Variants in ZBTB7C observed in about 807,000 individuals in gnomAD.
The protein encoded by ZBTB7C is zinc finger and BTB domain containing 7C, also known as zinc finger and BTB domain-containing protein 7C.
A neutral mutation model predicts 25.7 loss-of-function variants in ZBTB7C; 8 were observed. The ratio of observed to expected loss-of-function variants is 0.31; its 90% CI spans 0.18 to 0.56. ZBTB7C has a LOEUF of 0.56. ZBTB7C is among the 20% of genes least tolerant of loss of function. ZBTB7C has a pLI of 0.91. For missense variants in ZBTB7C, 824 were observed against 855.2 expected (o/e 0.96, Z 0.46); for synonymous variants, 394 against 369.0 (o/e 1.07, Z -0.78).
At chr18:48,292,060 T>C (rs1046418015) in intron 2 of ZBTB7C, among the ~76,000 whole-genome samples, 2 of 151,734 alleles carry the variant, frequency 1.3e-5, no homozygotes, top group Non-Finnish European at 2.9e-5. Context: ...TAGCTGGGCG[T>C]GGTGGTGGGT....
Position 48,305,115 on chromosome 18 carries a change from G to A in ZBTB7C, c.-79+33059C>T, listed in dbSNP as rs1315068729. ...CCACTGGAATTATAACGAGCATTAAGTAGGTCCAGCACGCCATTCCAGGCC... is the reference window on the plus strand; with the variant it reads ...CCACTGGAATTATAACGAGCATTAAATAGGTCCAGCACGCCATTCCAGGCC... On this transcript the variant is annotated intron_variant, in intron 2 of 4. Coordinates refer to ENST00000590800, the MANE Select transcript of ZBTB7C (RefSeq NM_001318841.2). Among the ~76,000 whole-genome samples, 15 of 152,314 alleles carry A rather than the reference G, an allele frequency of 9.8e-5. No homozygotes were observed. In the East Asian group the frequency reaches 2.5e-3, roughly 25 times the overall value.
At chr18:48,388,705 C>T (rs999150517) in intron 1 of ZBTB7C, among the ~76,000 whole-genome samples, 4 of 152,168 alleles carry the variant, frequency 2.6e-5, no homozygotes, top group Admixed American at 1.3e-4. Flanking sequence ...AACATGATTG[C>T]ACCACTGCCC....
At chr18:48,248,663 G>C (rs1423573836) in intron 2 of ZBTB7C, among the ~76,000 whole-genome samples, 1 of 152,064 alleles carries the variant, frequency 6.6e-6, no homozygotes, top group African/African-American at 2.4e-5. Flanking sequence ...GAAAATTTTA[G>C]ATTCTCAGAA....
At position 48,205,159 on chromosome 18, in the gene ZBTB7C, G is replaced by C. The variant is rs1339001777; in HGVS notation, c.-78-19164C>G. Among the ~76,000 whole-genome samples the C allele has an allele frequency of 1.3e-5, 2 of 152,036 alleles. 1 individual carries two copies. The highest frequency in any genetic ancestry group is 4.2e-4 in the South Asian group (2 of 4,816). On this transcript the variant is annotated intron_variant, in intron 2 of 4. Transcript: ENST00000590800. The stretch of plus-strand genomic sequence containing the variant: ...ACTGAGGTCTAGCACTCTGCAGAAG[G>C]GGTTAGAGGACATCTAACCCCTTAG...
chr18:48,111,955 G>T (rs905974598), intron 3 of ZBTB7C, among the ~76,000 whole-genome samples: 2 of 152,096 alleles, frequency 1.3e-5, no homozygotes, highest in African/African-American at 2.4e-5. Context: ...AAAATGGTTT[G>T]TTAAATAATA....
chr18:48,030,496 C>T (rs553731863), intron 4 of ZBTB7C, among the ~76,000 whole-genome samples: 2 of 152,334 alleles, frequency 1.3e-5, no homozygotes, highest in South Asian at 4.1e-4. Context: ...TTATCCTAAG[C>T]CTTGGGCTCT....
chr18:48,278,300 G>A (rs1338716903), intron 2 of ZBTB7C, among the ~76,000 whole-genome samples: 1 of 152,200 alleles, frequency 6.6e-6, no homozygotes, highest in Non-Finnish European at 1.5e-5. Context: ...ATGTTCAGAA[G>A]GACTGAGGTT....
intron 1 of ZBTB7C, among the ~76,000 whole-genome samples, chr18:48,355,267 G>A (rs2145064431): frequency 6.6e-6 from 1 of 152,326 alleles, no homozygotes; most frequent in Admixed American, 6.5e-5. Flanking sequence ...AGGCTGGAGG[G>A]CAGTAATGGG....
intron 3 of ZBTB7C, among the ~76,000 whole-genome samples, chr18:48,117,444 G>A (rs1269542590): frequency 1.3e-5 from 2 of 152,196 alleles, no homozygotes; most frequent in Non-Finnish European, 2.9e-5. Context: ...ACAGAGGTTA[G>A]AGCATGGGTG....
chr18:48,265,148 C>T (rs1228239039), intron 2 of ZBTB7C, among the ~76,000 whole-genome samples: 1 of 152,134 alleles, frequency 6.6e-6, no homozygotes, highest in African/African-American at 2.4e-5. Context: ...GGCAAGAATC[C>T]TGTTAGGTTT....
intron 3 of ZBTB7C, among the ~76,000 whole-genome samples, chr18:48,052,064 T>A (rs2036708703): frequency 6.6e-6 from 1 of 152,232 alleles, no homozygotes; most frequent in Non-Finnish European, 1.5e-5. Context: ...TTAAACCTTA[T>A]TAAACCACTG....
At chr18:48,137,145 G>A in intron 3 of ZBTB7C, 1 of 985,470 alleles carries the variant, frequency 1.0e-6, no homozygotes, top group Non-Finnish European at 1.2e-6. Flanking sequence ...GATTCGTGCT[G>A]GGCGAGTTAA....
At chr18:48,357,454 A>G (rs1289328318) in intron 1 of ZBTB7C, among the ~76,000 whole-genome samples, 1 of 152,234 alleles carries the variant, frequency 6.6e-6, no homozygotes, top group Non-Finnish European at 1.5e-5. Context: ...ACAATGAAAC[A>G]GAGACAAAGA....
chr18:48,244,338 C>G (rs2043616866), intron 2 of ZBTB7C, among the ~76,000 whole-genome samples: 1 of 152,098 alleles, frequency 6.6e-6, no homozygotes, highest in African/African-American at 2.4e-5. Flanking sequence ...TGGTGTGAAC[C>G]CAGGAGGTGG....
At chr18:48,239,886 A>G (rs1036345731) in intron 2 of ZBTB7C, among the ~76,000 whole-genome samples, 1 of 152,192 alleles carries the variant, frequency 6.6e-6, no homozygotes, top group East Asian at 1.9e-4. Flanking sequence ...TTTCCAAAAA[A>G]AGAATACAGA....
chr18:48,281,157 AT>A (rs959282194), intron 2 of ZBTB7C, among the ~76,000 whole-genome samples: 2 of 151,282 alleles, frequency 1.3e-5, no homozygotes, highest in African/African-American at 2.4e-5. Context: ...TCTGGCTGTA[AT>A]TTTTTTTTAA....
chr18:48,291,365 C>T (rs956825912), intron 2 of ZBTB7C, among the ~76,000 whole-genome samples: 1 of 152,134 alleles, frequency 6.6e-6, no homozygotes, highest in Non-Finnish European at 1.5e-5. Flanking sequence ...ACCTAGCTGG[C>T]CTGGATTCAA....
At position 48,347,108 on chromosome 18, in the gene ZBTB7C, T is replaced by G. The variant is rs576703738; in HGVS notation, c.-303-8710A>C. ...AGCATCACCCTTTTCTATAGAGTGA[T>G]TCCCAGTTTTTGTTTGTTTTTTTTT... On this transcript the variant is annotated intron_variant, in intron 1 of 4. Coordinates refer to ENST00000590800, the MANE Select transcript of ZBTB7C (RefSeq NM_001318841.2). Among the ~76,000 whole-genome samples, 3 of 150,354 alleles carry G rather than the reference T, an allele frequency of 2.0e-5. No individual in the cohort carries two copies. In the East Asian group the frequency reaches 5.8e-4, roughly 29 times the overall value.
chr18:48,081,989 AAT>A (rs2038006634), intron 3 of ZBTB7C, among the ~76,000 whole-genome samples: 1 of 146,022 alleles, frequency 6.8e-6, no homozygotes, highest in Admixed American at 6.8e-5. Context: ...GTATTTTTGT[AAT>A]GTGACTATGA....
Sources: allele counts gnomAD v4.1 joint callset (sites outside exome capture counted in the v4.1 genomes callset), GRCh38; gene constraint gnomAD v4.1.1; transcripts MANE v1.5; gene names NCBI Gene and HGNC (gene_info 2026-07-23, HGNC 2026-07-21).